Variants in PPP3CC observed in about 807,000 individuals in gnomAD.
PPP3CC encodes the protein serine/threonine-protein phosphatase 2B catalytic subunit gamma isoform.
A neutral mutation model predicts 60.3 loss-of-function variants in PPP3CC; 35 were observed. That is an observed-to-expected ratio of 0.58 (90% CI 0.44 to 0.77). The LOEUF is 0.77. Ranked by LOEUF, PPP3CC falls within the 30% of genes least tolerant of loss-of-function variation. The pLI, the probability that PPP3CC is intolerant of heterozygous loss-of-function variation, is 0.00. For synonymous variants in PPP3CC, 206 were observed against 224.3 expected, an observed-to-expected ratio of 0.92 and a Z score of 0.73; for missense variants, 570 against 628.9, an observed-to-expected ratio of 0.91 and a Z score of 1.00.
At chr8:22,530,485 TA>T in intron 10 of PPP3CC, among the ~76,000 whole-genome samples, 1 of 150,698 alleles carries the variant, frequency 6.6e-6, no homozygotes, top group African/African-American at 2.4e-5. Flanking sequence ...ATATATTTCC[TA>T]TTCTTTCCCA....
At position 22,513,475 on chromosome 8, in the gene PPP3CC, A is replaced by G. The variant is rs577415428; in HGVS notation, c.770+43A>G. On this transcript the variant is annotated intron_variant, in intron 6 of 13. Coordinates refer to ENST00000240139, the MANE Select transcript of PPP3CC (RefSeq NM_005605.5). ...GTCGAAAATTATGAAAGGAAACTGTAATTCATTTTATCAGATGATTTTTCA... is the reference window on the plus strand; with the variant it reads ...GTCGAAAATTATGAAAGGAAACTGTGATTCATTTTATCAGATGATTTTTCA... The G allele has an allele frequency of 6.5e-6, 10 of 1,532,484 alleles. No homozygotes were observed. In the South Asian group the frequency reaches 1.0e-4, roughly 15 times the overall value. The allele number at this position is 1,532,484 out of a possible 1,614,324, so 94.9% of individuals were successfully genotyped here.
chr8:22,532,409 C>T lies in PPP3CC; in HGVS notation c.1223+103C>T. On this transcript the variant is annotated intron_variant, in intron 11 of 13. Coordinates refer to ENST00000240139, the MANE Select transcript of PPP3CC (RefSeq NM_005605.5). ...TTATAATTGGAATGTAGTATTGAAA[C>T]TGCAGGTCTTTAGGTTGAGTGCAAA... is the stretch of plus-strand genomic sequence containing the variant. 9.6e-6 allele frequency: 9 copies of T among 939,302 alleles called. No individual in the cohort carries two copies. The South Asian group carries it at 1.4e-4, about 14-fold the overall frequency. The allele number at this position is 939,302 out of a possible 1,614,324, so 58.2% of individuals were successfully genotyped here. A position where few individuals can be genotyped will look rare whatever the true frequency, so the allele number is the denominator to read the frequency against.
At chr8:22,449,905 C>T (rs1836956566) in intron 1 of PPP3CC, among the ~76,000 whole-genome samples, 2 of 145,998 alleles carry the variant, frequency 1.4e-5, no homozygotes, top group South Asian at 2.2e-4. Flanking sequence ...GTCTCGCTGT[C>T]GCCCGGGCTG....
intron 3 of PPP3CC, among the ~76,000 whole-genome samples, chr8:22,496,000 A>G (rs1838568204): frequency 6.6e-6 from 1 of 152,214 alleles, no homozygotes; most frequent in Non-Finnish European, 1.5e-5. Context: ...GTTTTCTTCT[A>G]GAACTTGTGT....
intron 1 of PPP3CC, among the ~76,000 whole-genome samples, chr8:22,455,608 A>G (rs1440821134): frequency 6.6e-6 from 1 of 152,244 alleles, no homozygotes; most frequent in Non-Finnish European, 1.5e-5. Context: ...ATTTTTAACT[A>G]CTTTGCACTG....
chr8:22,492,957 A>T, intron 3 of PPP3CC: 1 of 1,257,662 alleles, frequency 8.0e-7, no homozygotes, highest in Non-Finnish European at 1.2e-6. Flanking sequence ...GACTAGTTTA[A>T]GGAGACTGGC....
intron 1 of PPP3CC, among the ~76,000 whole-genome samples, chr8:22,450,802 TA>T (rs1486190694): frequency 0.025 from 802 of 32,194 alleles, 6 homozygotes; most frequent in Non-Finnish European, 0.027. Flanking sequence ...ACTTTATTTT[TA>T]TTTATTTATT....
intron 5 of PPP3CC, among the ~76,000 whole-genome samples, chr8:22,512,399 A>G (rs917065303): frequency 7.2e-5 from 11 of 152,144 alleles, no homozygotes; most frequent in Admixed American, 5.9e-4. Flanking sequence ...CAGCTATTCT[A>G]TTACTTGTTT....
chr8:22,461,202 C>T (rs1837353121), intron 1 of PPP3CC, among the ~76,000 whole-genome samples: 1 of 152,104 alleles, frequency 6.6e-6, no homozygotes, highest in Non-Finnish European at 1.5e-5. Context: ...CATAGTTCCA[C>T]ATATGAAGTT....
chr8:22,520,939 T>C (rs1178275540), intron 6 of PPP3CC, among the ~76,000 whole-genome samples: 1 of 152,210 alleles, frequency 6.6e-6, no homozygotes, highest in Non-Finnish European at 1.5e-5. Context: ...TTTTATGGAC[T>C]CGTTCGCCAA....
chr8:22,446,595 G>A (rs1563663868), intron 1 of PPP3CC, among the ~76,000 whole-genome samples: 117 of 152,122 alleles, frequency 7.7e-4, no homozygotes, highest in African/African-American at 2.7e-3. Flanking sequence ...AAGCCGAGGT[G>A]GGTGGATCAC....
intron 1 of PPP3CC, among the ~76,000 whole-genome samples, chr8:22,465,476 C>T (rs1244800633): frequency 1.3e-5 from 2 of 152,126 alleles, no homozygotes; most frequent in East Asian, 3.8e-4. Context: ...ATCCCAAATG[C>T]AGTAGTGTCG....
rs1184771399 is a variant in PPP3CC at position 22,441,105 on chromosome 8, A to C, written c.-305A>C. 1 of 269,156 alleles carries C rather than the reference A, an allele frequency of 3.7e-6. No homozygotes were observed. The highest frequency in any genetic ancestry group is 7.0e-6 in the Non-Finnish European group (1 of 143,332). 16.7% of individuals were successfully genotyped at this position (269,156 alleles called of 1,614,324 possible). A position where few individuals can be genotyped will look rare whatever the true frequency, so the allele number is the denominator to read the frequency against. On this transcript the variant is annotated 5_prime_UTR_variant, in exon 1 of 14. Transcript: ENST00000240139. ...GTGCACGAGGGCCCGGGCCGCGAGC[A>C]GCCGCGGCCGTCCCGGTCGCCACCC...
intron 3 of PPP3CC, among the ~76,000 whole-genome samples, chr8:22,490,285 T>G: frequency 6.6e-6 from 1 of 152,184 alleles, no homozygotes; most frequent in Non-Finnish European, 1.5e-5. Context: ...ACCCTGACCC[T>G]GTTTCTGACT....
intron 3 of PPP3CC, among the ~76,000 whole-genome samples, chr8:22,495,878 T>C (rs1229020799): frequency 6.6e-6 from 1 of 152,114 alleles, no homozygotes; most frequent in Non-Finnish European, 1.5e-5. Flanking sequence ...TTTTGTGTGG[T>C]CAAATTTACC....
chr8:22,479,832 GAGA>G (rs1838007867), intron 3 of PPP3CC, among the ~76,000 whole-genome samples: 1 of 151,972 alleles, frequency 6.6e-6, no homozygotes, highest in Admixed American at 6.6e-5. Context: ...CTGAAGAAAA[GAGA>G]AGGTTAGGTT....
chr8:22,517,862 C>T (rs1471294598), intron 6 of PPP3CC, among the ~76,000 whole-genome samples: 1 of 151,878 alleles, frequency 6.6e-6, no homozygotes, highest in Non-Finnish European at 1.5e-5. Flanking sequence ...TTCATTTCTG[C>T]CCTAAACTTT....
intron 12 of PPP3CC, among the ~76,000 whole-genome samples, chr8:22,535,336 AC>A (rs554843355): frequency 0.011 from 1,748 of 152,230 alleles, 23 homozygotes; most frequent in South Asian, 0.044. Context: ...AGGGGAAGAG[AC>A]AGGAGATCAT....
rs921192027 is a variant in PPP3CC at position 22,441,255 on chromosome 8, C to T, written c.-155C>T. On this transcript the variant is annotated 5_prime_UTR_variant, in exon 1 of 14. Transcript: ENST00000240139. ...TCGGAGGCCGGCGCTGCGGTGGCCG[C>T]GCCCTTCTGGTGCTCGGACACCGCT... 5 of 614,204 alleles carry T rather than the reference C, an allele frequency of 8.1e-6. No individual in the cohort carries two copies. Among genetic ancestry groups the T allele is most frequent in the East Asian group, 6.9e-5 (2 of 28,828 alleles). 38.0% of individuals were successfully genotyped at this position (614,204 alleles called of 1,614,324 possible).
Sources: gnomAD v4.1 joint callset for allele counts (sites outside exome capture counted in the v4.1 genomes callset) on GRCh38, gnomAD v4.1.1 for gene constraint, MANE v1.5 for transcripts, NCBI Gene and HGNC (gene_info 2026-07-23, HGNC 2026-07-21) for gene names.